The following VWA8 variants were observed in gnomAD, a reference collection of about 807,000 sequenced individuals.
VWA8 encodes the protein von Willebrand factor A domain-containing protein 8.
In VWA8, 221 loss-of-function variants were observed where a neutral mutation model predicts 241.5. The observed-to-expected ratio is 0.91, with a 90% confidence interval of 0.82 to 1.02. The LOEUF (loss-of-function observed/expected upper bound fraction) is 1.02, where lower values mean the gene tolerates loss of function less well. VWA8 is among the 50% of genes least tolerant of loss of function. The probability of loss-of-function intolerance (pLI) is 0.00; values close to 1 mark genes in which losing one functional copy is unlikely to be tolerated. For missense variants in VWA8, 2,322 were observed against 2,328.7 expected (o/e 1.00, Z 0.06); for synonymous variants, 852 against 827.1 (o/e 1.03, Z -0.52).
chr13:41,710,634 G>T (rs2045310240), intron 26 of VWA8, among the ~76,000 whole-genome samples: 1 of 151,520 alleles, frequency 6.6e-6, no homozygotes, highest in Non-Finnish European at 1.5e-5. Flanking sequence ...GAGTGGAATT[G>T]TACACCTTAG....
At chr13:41,658,228 G>T (rs181913261) in intron 37 of VWA8, among the ~76,000 whole-genome samples, 17 of 152,194 alleles carry the variant, frequency 1.1e-4, no homozygotes, top group Non-Finnish European at 4.4e-5. Context: ...GAAGGCTGAC[G>T]TGAGAGGATA....
intron 24 of VWA8, among the ~76,000 whole-genome samples, chr13:41,723,712 T>A (rs1272033129): frequency 6.6e-6 from 1 of 152,094 alleles, no homozygotes. Context: ...CAAAAGACTA[T>A]AAATTAATCA....
At chr13:41,787,092 A>G (rs1396479632) in intron 18 of VWA8, among the ~76,000 whole-genome samples, 2 of 150,120 alleles carry the variant, frequency 1.3e-5, no homozygotes, top group East Asian at 3.9e-4. Flanking sequence ...ACAGCATTCT[A>G]GATTCACTGG....
rs1401440411 is a variant in VWA8 at position 41,926,842 on chromosome 13, A to T, written c.242-14674T>A. 1.9e-5 allele frequency: 11 copies of T among 570,054 alleles called. No homozygotes were observed. In the Admixed American group the frequency reaches 2.1e-4, roughly 11 times the overall value. 35.3% of individuals were successfully genotyped at this position (570,054 alleles called of 1,614,324 possible). A position where few individuals can be genotyped will look rare whatever the true frequency, so the allele number is the denominator to read the frequency against. The stretch of plus-strand genomic sequence containing the variant: ...CTCTTTGAAACTGATGAAACTTGCA[A>T]ACTTCTTAATGATATCTGTGTGGCA... On this transcript the variant is annotated intron_variant, in intron 2 of 44. Coordinates refer to ENST00000379310, the MANE Select transcript of VWA8 (RefSeq NM_015058.2).
intron 39 of VWA8, 52 bp downstream of exon 39, chr13:41,611,524 T>C: frequency 2.5e-6 from 4 of 1,586,418 alleles, no homozygotes; most frequent in Middle Eastern, 1.7e-4. Flanking sequence ...CAGTCCATCA[T>C]GACATTTCAC....
At chr13:41,818,031 C>T (rs1870774133) in intron 15 of VWA8, among the ~76,000 whole-genome samples, 1 of 150,860 alleles carries the variant, frequency 6.6e-6, no homozygotes, top group African/African-American at 2.4e-5. Flanking sequence ...GGTGTGATCT[C>T]GGCTCACTGC....
chr13:41,787,427 A>G lies in VWA8; in HGVS notation c.2170+10T>C, dbSNP rs1326174310. On this transcript the variant is annotated intron_variant, in intron 18 of 44. Transcript: ENST00000379310. ...TTCACTTAAAAAAAAGAGCCAAATC[A>G]AATACTTACATTTGTAATCCTTCAG... is the stretch of plus-strand genomic sequence containing the variant. 6.3e-7 allele frequency: 1 copy of G among 1,586,126 alleles called. No homozygotes were observed. Among genetic ancestry groups the G allele is most frequent in the Non-Finnish European group, 8.6e-7 (1 of 1,156,322 alleles).
Position 41,692,885 on chromosome 13 carries a change from A to T in VWA8, c.3652T>A (p.Phe1218Ile), listed in dbSNP as rs2045188003. ...PSEKFTSKKP[F>I]WWNKEEAETY... ...ACAGCTTCTTCTTTGTTCCACCAGA[A>T]AGGTTTCTTAGATGTAAACTTCTCG... The change falls in exon 30 of 45, where the codon TTC becomes ATC. Residue 1218 changes from phenylalanine to isoleucine, a missense_variant. Coordinates refer to ENST00000379310, the MANE Select transcript of VWA8 (RefSeq NM_015058.2). 10 of 1,611,262 alleles carry T rather than the reference A, an allele frequency of 6.2e-6. No homozygotes were observed. Among genetic ancestry groups the T allele is most frequent in the Non-Finnish European group, 8.5e-6 (10 of 1,178,176 alleles).
chr13:41,753,845 C>T (rs769962392), intron 21 of VWA8, among the ~76,000 whole-genome samples: 4 of 151,904 alleles, frequency 2.6e-5, no homozygotes, highest in Non-Finnish European at 5.9e-5. Flanking sequence ...CTAAAATAAA[C>T]AAAGTAAAGA....
chr13:41,569,302 T>C (rs1433716771), intron 44 of VWA8, among the ~76,000 whole-genome samples: 1 of 152,264 alleles, frequency 6.6e-6, no homozygotes, highest in Admixed American at 6.5e-5. Context: ...TCATCTCAAC[T>C]AGTATTTGTT....
chr13:41,652,324 A>G (rs1430667783), intron 37 of VWA8, among the ~76,000 whole-genome samples: 1 of 152,246 alleles, frequency 6.6e-6, no homozygotes, highest in Non-Finnish European at 1.5e-5. Context: ...TGAGTTAGAT[A>G]AACCTAGGCT....
intron 4 of VWA8, among the ~76,000 whole-genome samples, chr13:41,896,910 A>G (rs775996211): frequency 1.2e-4 from 18 of 152,204 alleles, no homozygotes; most frequent in Non-Finnish European, 2.6e-4. Context: ...AAATTTATCT[A>G]AAGGAAATGA....
chr13:41,721,533 T>A lies in VWA8; in HGVS notation c.2801A>T (p.His934Leu). Residue 934 changes from histidine (H) to leucine (L), a missense_variant, in exon 25 of 45, where the codon CAC becomes CTC. His to Leu is a moderately conservative substitution (Grantham distance 99). Transcript: ENST00000379310. Reference sequence around the variant, plus strand: ...CTGTCTGAGCATCTCGAGCTCCGAGTGGGGTTTGGGGTTATCAACTGCATG... The same window carrying A: ...CTGTCTGAGCATCTCGAGCTCCGAGAGGGGTTTGGGGTTATCAACTGCATG... The part of the protein sequence containing the change: ...SCHAVDNPKP[H>L]SELEMLRQYG... The A allele has an allele frequency of 3.1e-6, 5 of 1,613,420 alleles. No individual in the cohort carries two copies. The highest frequency in any genetic ancestry group is 4.2e-6 in the Non-Finnish European group (5 of 1,179,720).
intron 9 of VWA8, among the ~76,000 whole-genome samples, chr13:41,877,394 C>G (rs1375792929): frequency 6.6e-6 from 1 of 151,556 alleles, no homozygotes; most frequent in Non-Finnish European, 1.5e-5. Flanking sequence ...TCATGCTACA[C>G]TGCTTAAAAA....
chr13:41,838,689 G>C (rs1478295324), intron 12 of VWA8, among the ~76,000 whole-genome samples: 1 of 152,066 alleles, frequency 6.6e-6, no homozygotes, highest in African/African-American at 2.4e-5. Context: ...AAATATATCT[G>C]AACAGTCTAA....
At chr13:41,905,202 T>G (rs570628013) in intron 4 of VWA8, 5 of 152,106 alleles carry the variant, frequency 3.3e-5, no homozygotes, top group African/African-American at 1.2e-4. Flanking sequence ...GACATGCAAA[T>G]TCATAAAGCA....
In VWA8 at chr13:41,719,610, T is replaced by C. The variant is rs761044571; in HGVS notation, c.3097A>G (p.Ser1033Gly). 3 of 1,612,940 alleles carry C rather than the reference T, an allele frequency of 1.9e-6. No homozygotes were observed. The highest frequency in any genetic ancestry group is 2.5e-6 in the Non-Finnish European group (3 of 1,179,304). The part of the protein sequence containing the change: ...YGIPIGAKPT[S>G]VQLAKELTLP... ...CCTTACTCCTTTGCCAGCTGCACAC[T>C]GGTAGGCTTTGCTCCGATAGGTATC... The change falls in exon 26 of 45, where the codon AGT becomes GGT. Residue 1033 changes from serine (S) to glycine (G), a missense_variant. Ser to Gly is a moderately conservative substitution (Grantham distance 56, BLOSUM62 0). Transcript: ENST00000379310.
At chr13:41,677,593 A>G (rs1214190409) in intron 35 of VWA8, among the ~76,000 whole-genome samples, 6 of 152,106 alleles carry the variant, frequency 3.9e-5, no homozygotes, top group Non-Finnish European at 5.9e-5. Flanking sequence ...ACTCCACACA[A>G]CTTCTATGTG....
intron 17 of VWA8, among the ~76,000 whole-genome samples, chr13:41,800,653 T>C (rs1459931046): frequency 6.7e-6 from 1 of 149,416 alleles, no homozygotes; most frequent in Non-Finnish European, 1.5e-5. Flanking sequence ...ATCAGCCGGG[T>C]GTGGTGATGG....
Sources: gnomAD v4.1 joint callset for allele counts (sites outside exome capture counted in the v4.1 genomes callset) on GRCh38, gnomAD v4.1.1 for gene constraint, MANE v1.5 for transcripts, NCBI Gene and HGNC (gene_info 2026-07-23, HGNC 2026-07-21) for gene names.